The following TEC variants were observed in gnomAD, a reference collection of about 807,000 sequenced individuals.
TEC encodes the protein tec protein tyrosine kinase.
Under a neutral mutation model 93.0 loss-of-function variants are expected in TEC, and 72 were observed. That is an observed-to-expected ratio of 0.77 (90% CI 0.64 to 0.94). TEC has a LOEUF of 0.94. Among genes scored for constraint, TEC ranks in the 40% least tolerant of loss-of-function variants. The pLI, the probability that TEC is intolerant of heterozygous loss-of-function variation, is 0.00. For synonymous variants in TEC, 249 were observed against 247.7 expected (o/e 1.01, Z -0.05); for missense variants, 630 against 757.9 (o/e 0.83, Z 1.98).
intron 2 of TEC, among the ~76,000 whole-genome samples, chr4:48,186,726 C>A (rs1481362904): frequency 6.6e-6 from 1 of 150,426 alleles, no homozygotes; most frequent in Non-Finnish European, 1.5e-5. Context: ...AGGTGGGGGG[C>A]AGCCCCCGCC....
intron 1 of TEC, among the ~76,000 whole-genome samples, chr4:48,237,620 T>C (rs1723821434): frequency 6.6e-6 from 1 of 152,164 alleles, no homozygotes; most frequent in Non-Finnish European, 1.5e-5. Flanking sequence ...ATTCTCATCT[T>C]ATTAGGTTAA....
At chr4:48,239,981 AGTGTGT>A (rs5858109) in intron 1 of TEC, among the ~76,000 whole-genome samples, 11 of 149,588 alleles carry the variant, frequency 7.4e-5, no homozygotes, top group Middle Eastern at 3.4e-3. Flanking sequence ...TTGCTCTGTG[AGTGTGT>A]GTGTGTGTGT....
intron 2 of TEC, among the ~76,000 whole-genome samples, chr4:48,208,055 C>A (rs758041564): frequency 1.3e-5 from 2 of 152,188 alleles, no homozygotes; most frequent in Non-Finnish European, 2.9e-5. Flanking sequence ...CATCTGTGGT[C>A]CAGGCAGGCT....
At chr4:48,185,788 TCCCCCTCCCCCTCTCCCATCTCC>T (rs1721798134) in intron 2 of TEC, among the ~76,000 whole-genome samples, 1 of 10,978 alleles carries the variant, frequency 9.1e-5, no homozygotes, top group East Asian at 1.9e-3. Flanking sequence ...TCCCTCTCCC[TCCCCCTCCCCCTCTCCCATCTCC>T]CTCCCCCTCC....
chr4:48,144,973 A>T (rs1386310947), intron 14 of TEC, 106 bp downstream of exon 14: 1 of 959,412 alleles, frequency 1.0e-6, no homozygotes, highest in Non-Finnish European at 1.6e-6. Context: ...ATGGTGAAAG[A>T]TTGTTAAGAA....
intron 2 of TEC, among the ~76,000 whole-genome samples, chr4:48,180,289 A>G (rs1721532046): frequency 6.6e-6 from 1 of 152,178 alleles, no homozygotes; most frequent in African/African-American, 2.4e-5. Context: ...TTGATCACTC[A>G]TTCTTTTATT....
At chr4:48,248,980 C>T (rs1724131162) in intron 1 of TEC, among the ~76,000 whole-genome samples, 1 of 151,174 alleles carries the variant, frequency 6.6e-6, no homozygotes, top group African/African-American at 2.4e-5. Flanking sequence ...AATCGTGTGT[C>T]AAGTTTGGAG....
At chr4:48,206,963 A>C (rs1238395198) in intron 2 of TEC, among the ~76,000 whole-genome samples, 1 of 152,086 alleles carries the variant, frequency 6.6e-6, no homozygotes, top group African/African-American at 2.4e-5. Flanking sequence ...AGTCTCAAAA[A>C]CAAAAACAAA....
chr4:48,222,258 A>G (rs556233589), intron 2 of TEC, among the ~76,000 whole-genome samples: 1 of 152,346 alleles, frequency 6.6e-6, no homozygotes, highest in South Asian at 2.1e-4. Flanking sequence ...TAGGAGACAC[A>G]GCCAGAAGAG....
intron 2 of TEC, among the ~76,000 whole-genome samples, chr4:48,204,894 G>A (rs1722652915): frequency 6.6e-6 from 1 of 152,106 alleles, no homozygotes; most frequent in African/African-American, 2.4e-5. Flanking sequence ...ACCAGTCCGT[G>A]GTGCAGGGGC....
chr4:48,226,403 C>T (rs1482660941), intron 2 of TEC, among the ~76,000 whole-genome samples: 2 of 147,410 alleles, frequency 1.4e-5, no homozygotes, highest in Non-Finnish European at 3.0e-5. Context: ...CCTTCAACCT[C>T]CTCCACATCT....
intron 7 of TEC, among the ~76,000 whole-genome samples, chr4:48,165,487 A>T (rs990893478): frequency 3.3e-5 from 5 of 152,228 alleles, no homozygotes; most frequent in African/African-American, 1.2e-4. Context: ...AGAATCATTA[A>T]TGAACCCCCA....
At chr4:48,149,123 T>C (rs1045635298) in intron 11 of TEC, among the ~76,000 whole-genome samples, 3 of 152,334 alleles carry the variant, frequency 2.0e-5, no homozygotes, top group African/African-American at 7.2e-5. Flanking sequence ...TGAATAGTGC[T>C]GCAATGAACA....
Position 48,141,399 on chromosome 4 carries a change from T to C in TEC, c.1491A>G (p.Val497=). 2 of 1,613,842 alleles carry C rather than the reference T, an allele frequency of 1.2e-6. No individual in the cohort carries two copies. Among genetic ancestry groups the C allele is most frequent in the Non-Finnish European group, 1.7e-6 (2 of 1,179,912 alleles). ...HRDLAARNCL[V]SEAGVVKVSD... ...ATACTTTTACAACTCCCGCCTCACT[T>C]ACTAGACAATTTCTGGCAGCCTGGA... The change falls in exon 15 of 18, where the codon GTA becomes GTG. Residue 497 remains valine, a synonymous_variant. Transcript: ENST00000381501.
Position 48,141,393 on chromosome 4 carries a change from CTCACTTACTAGACAATT to C in TEC, c.1480_1496del (p.Asn494GlyfsTer8). On this transcript the variant is annotated frameshift_variant, in exon 15 of 18. Transcript: ENST00000381501. LOFTEE classifies it high-confidence loss of function. ...AATCAGATACTTTTACAACTCCCGC[CTCACTTACTAGACAATT>C]TCTGGCAGCCTGGAAAACAACATTA... is the stretch of plus-strand genomic sequence containing the variant. 3 of 1,613,838 alleles carry C rather than the reference CTCACTTACTAGACAATT, an allele frequency of 1.9e-6. No homozygotes were observed. Among genetic ancestry groups the C allele is most frequent in the Non-Finnish European group, 2.5e-6 (3 of 1,179,942 alleles).
Position 48,230,075 on chromosome 4 carries a change from CAATAAT to C in TEC, c.-45-1422_-45-1417del, listed in dbSNP as rs71654901. On this transcript the variant is annotated intron_variant, in intron 1 of 17. Transcript: ENST00000381501. ...GGGCAACGAGAGCGAAACTCCGTCT[CAATAAT>C]AATAATAATAATAATAATAATAAAT... is the stretch of plus-strand genomic sequence containing the variant. Among the ~76,000 whole-genome samples the C allele has an allele frequency of 1.2e-3, 177 of 146,970 alleles. 1 individual carries two copies. Among genetic ancestry groups the C allele is most frequent in the African/African-American group, 4.0e-3 (159 of 39,796 alleles).
intron 2 of TEC, among the ~76,000 whole-genome samples, chr4:48,225,623 G>A (rs1723427891): frequency 6.6e-6 from 1 of 152,172 alleles, no homozygotes; most frequent in Non-Finnish European, 1.5e-5. Context: ...CTAGAAGCCA[G>A]GGAGAGCTGT....
chr4:48,248,041 A>T (rs1487143814), intron 1 of TEC, among the ~76,000 whole-genome samples: 2 of 152,212 alleles, frequency 1.3e-5, no homozygotes, highest in African/African-American at 4.8e-5. Context: ...GTAAAAACTG[A>T]ACACAGTCAA....
chr4:48,209,373 T>G (rs1174311386), intron 2 of TEC, among the ~76,000 whole-genome samples: 1 of 151,864 alleles, frequency 6.6e-6, no homozygotes, highest in Non-Finnish European at 1.5e-5. Flanking sequence ...GAGGCTGAGG[T>G]GGGAGGACTA....
Sources: gnomAD v4.1 joint callset for allele counts (sites outside exome capture counted in the v4.1 genomes callset) on GRCh38, gnomAD v4.1.1 for gene constraint, MANE v1.5 for transcripts, NCBI Gene and HGNC (gene_info 2026-07-23, HGNC 2026-07-21) for gene names.